Variants in BNC2 observed in about 807,000 individuals in gnomAD.
BNC2 encodes the protein zinc finger protein basonuclin-2.
Under a neutral mutation model 76.3 loss-of-function variants are expected in BNC2, and 20 were observed. That is an observed-to-expected ratio of 0.26 (90% CI 0.18 to 0.38). The LOEUF is 0.38. BNC2 is among the 10% of genes least tolerant of loss of function. The pLI is 1.00. For synonymous variants in BNC2, 582 were observed against 514.8 expected (o/e 1.13, Z -1.77); for missense variants, 1,382 against 1,399.8 (o/e 0.99, Z 0.20).
chr9:16,813,490 C>T (rs1586904893), intron 1 of BNC2, among the ~76,000 whole-genome samples: 1 of 152,094 alleles, frequency 6.6e-6, no homozygotes, highest in East Asian at 2.0e-4. Context: ...TGGACTCGAT[C>T]GCCTGACCTC....
At chr9:16,450,903 C>G (rs1348251889) in intron 5 of BNC2, among the ~76,000 whole-genome samples, 1 of 152,180 alleles carries the variant, frequency 6.6e-6, no homozygotes, top group Non-Finnish European at 1.5e-5. Flanking sequence ...AAGTGCCATA[C>G]TCTTTTCTTT....
At chr9:16,630,206 T>A (rs1446176610) in intron 3 of BNC2, among the ~76,000 whole-genome samples, 1 of 152,116 alleles carries the variant, frequency 6.6e-6, no homozygotes, top group Non-Finnish European at 1.5e-5. Flanking sequence ...CATATAATTT[T>A]AAAAAAATAT....
At chr9:16,595,068 A>AGTGACCC (rs1820029228) in intron 3 of BNC2, among the ~76,000 whole-genome samples, 1 of 152,152 alleles carries the variant, frequency 6.6e-6, no homozygotes, top group Admixed American at 6.6e-5. Context: ...AAATAAAGAA[A>AGTGACCC]GTGACCCAGC....
chr9:16,679,135 T>C (rs1409650133), intron 3 of BNC2, among the ~76,000 whole-genome samples: 2 of 152,070 alleles, frequency 1.3e-5, no homozygotes, highest in Non-Finnish European at 2.9e-5. Context: ...AAAGCTACAC[T>C]GTGCCTCAAT....
At chr9:16,782,270 C>G (rs1450394751) in intron 1 of BNC2, among the ~76,000 whole-genome samples, 1 of 151,600 alleles carries the variant, frequency 6.6e-6, no homozygotes, top group African/African-American at 2.4e-5. Context: ...GGTGACAGAG[C>G]AAGACTCTGT....
intron 3 of BNC2, 116 bp downstream of exon 3, chr9:16,727,681 A>C: frequency 1.2e-6 from 1 of 862,226 alleles, no homozygotes; most frequent in Non-Finnish European, 1.8e-6. Flanking sequence ...CTAACTAGGA[A>C]GTGACCACAT....
intron 1 of BNC2, among the ~76,000 whole-genome samples, chr9:16,850,512 T>C (rs1011457554): frequency 2.0e-5 from 3 of 152,230 alleles, no homozygotes; most frequent in African/African-American, 7.2e-5. Flanking sequence ...GAACTCATCA[T>C]CTGTAAATAC....
intron 5 of BNC2, among the ~76,000 whole-genome samples, chr9:16,499,053 C>T (rs1455043108): frequency 2.8e-5 from 4 of 140,628 alleles, no homozygotes; most frequent in African/African-American, 8.9e-5. Context: ...ATGTTCAGCA[C>T]TTACAACAAA....
chr9:16,642,966 A>G (rs1294809484), intron 3 of BNC2, among the ~76,000 whole-genome samples: 3 of 152,156 alleles, frequency 2.0e-5, no homozygotes, highest in African/African-American at 7.2e-5. Context: ...TTGTGAAACG[A>G]GAATATGAGT....
intron 1 of BNC2, among the ~76,000 whole-genome samples, chr9:16,869,528 A>T (rs796634706): frequency 3.3e-5 from 5 of 152,272 alleles, no homozygotes; most frequent in African/African-American, 1.2e-4. Context: ...AGGGAAGAGG[A>T]AAAAATGCCA....
intron 5 of BNC2, among the ~76,000 whole-genome samples, chr9:16,486,162 C>A (rs1416126685): frequency 6.6e-6 from 1 of 152,162 alleles, no homozygotes; most frequent in African/African-American, 2.4e-5. Context: ...ATGCAAAGAA[C>A]TTAGAAGAGT....
At chr9:16,514,465 C>A (rs915901471) in intron 5 of BNC2, among the ~76,000 whole-genome samples, 1 of 151,806 alleles carries the variant, frequency 6.6e-6, no homozygotes, top group Non-Finnish European at 1.5e-5. Context: ...TGTTTTTCAC[C>A]CAATGCTGAC....
chr9:16,523,245 G>A (rs534974881), intron 5 of BNC2, among the ~76,000 whole-genome samples: 1 of 152,172 alleles, frequency 6.6e-6, no homozygotes, highest in Admixed American at 6.5e-5. Flanking sequence ...GCCGAGGTGG[G>A]TGGATCATGA....
chr9:16,456,904 G>A (rs1821463475), intron 5 of BNC2, among the ~76,000 whole-genome samples: 1 of 152,136 alleles, frequency 6.6e-6, no homozygotes, highest in Non-Finnish European at 1.5e-5. Context: ...ATTTCCATAT[G>A]AGGGTCAACT....
At chr9:16,441,680 T>C (rs530168306) in intron 5 of BNC2, among the ~76,000 whole-genome samples, 2 of 152,320 alleles carry the variant, frequency 1.3e-5, no homozygotes, top group South Asian at 4.1e-4. Flanking sequence ...TTTTAACTCA[T>C]CTGGAACAAA....
In BNC2 at chr9:16,684,680, G is replaced by T. The variant is rs192591507; in HGVS notation, c.330+43117C>A. 3.3e-5 allele frequency among the ~76,000 whole-genome samples: 5 copies of T among 150,530 alleles called. No individual in the cohort carries two copies. The East Asian group carries it at 7.7e-4, about 23-fold the overall frequency. On this transcript the variant is annotated intron_variant, in intron 3 of 6. Coordinates refer to ENST00000380672, the MANE Select transcript of BNC2 (RefSeq NM_017637.6). Reference sequence around the variant, plus strand: ...CCAAATGGAGGTCCTAAAAAAAAAAGTATGAGTTTCCTCATGCTAGGGAGT... The same window carrying T: ...CCAAATGGAGGTCCTAAAAAAAAAATTATGAGTTTCCTCATGCTAGGGAGT...
chr9:16,667,900 T>G (rs1822349364), intron 3 of BNC2, among the ~76,000 whole-genome samples: 1 of 152,162 alleles, frequency 6.6e-6, no homozygotes, highest in Admixed American at 6.5e-5. Flanking sequence ...AAAACACTAT[T>G]CAAGAACTCA....
intron 1 of BNC2, among the ~76,000 whole-genome samples, chr9:16,756,990 CAAAA>C (rs66931262): frequency 0.75 from 99,823 of 133,468 alleles, 36,622 homozygotes; most frequent in East Asian, 0.89. Context: ...GACTCTGTCT[CAAAA>C]AAAAAAAAAA....
At chr9:16,591,660 C>T (rs946756513) in intron 3 of BNC2, among the ~76,000 whole-genome samples, 1 of 152,068 alleles carries the variant, frequency 6.6e-6, no homozygotes, top group South Asian at 2.1e-4. Flanking sequence ...GCATGTTAAA[C>T]CATAGTGCAA....
Sources: allele counts gnomAD v4.1 joint callset (sites outside exome capture counted in the v4.1 genomes callset), GRCh38; gene constraint gnomAD v4.1.1; transcripts MANE v1.5; gene names NCBI Gene and HGNC (gene_info 2026-07-23, HGNC 2026-07-21).